The following TPCN2 variants were observed in gnomAD, a reference collection of about 807,000 sequenced individuals.
TPCN2 encodes two pore channel protein 2.
In TPCN2, 92 loss-of-function variants were observed where a neutral mutation model predicts 111.4. The ratio of observed to expected loss-of-function variants is 0.83; its 90% CI spans 0.70 to 0.98. The LOEUF is 0.98. TPCN2 is among the 50% of genes least tolerant of loss of function. The pLI is 0.00. For synonymous variants in TPCN2, 405 were observed against 414.5 expected (o/e 0.98, Z 0.28); for missense variants, 995 against 980.1 (o/e 1.02, Z -0.20).
chr11:69,072,799 C>G (rs1855593036), intron 12 of TPCN2, 91 bp downstream of exon 12: 7 of 1,552,684 alleles, frequency 4.5e-6, no homozygotes, highest in Non-Finnish European at 6.2e-6. Context: ...GGTGTGGCTT[C>G]AGGTCACCTG....
At chr11:69,058,772 G>A (rs779982071) in intron 5 of TPCN2, among the ~76,000 whole-genome samples, 13 of 152,234 alleles carry the variant, frequency 8.5e-5, no homozygotes, top group Admixed American at 6.5e-4. Context: ...GCAGCTTCCC[G>A]CAGCCTCCTC....
chr11:69,073,176 G>A (rs150277534), intron 13 of TPCN2, among the ~76,000 whole-genome samples, 175 bp downstream of exon 13: 1 of 152,194 alleles, frequency 6.6e-6, no homozygotes, highest in African/African-American at 2.4e-5. Flanking sequence ...AGACTGGGGA[G>A]ATTTTTATGA....
At chr11:69,077,075 CCCT>C (rs1855808487) in intron 13 of TPCN2, among the ~76,000 whole-genome samples, 1 of 103,648 alleles carries the variant, frequency 9.6e-6, no homozygotes, top group Non-Finnish European at 2.0e-5. Context: ...CCTCCACTTG[CCCT>C]CCTGCCCTCC....
Position 69,089,880 on chromosome 11 carries a change from G to A in TPCN2, c.*1927G>A, listed in dbSNP as rs1265173794. On this transcript the variant is annotated 3_prime_UTR_variant, in exon 25 of 25. Coordinates refer to ENST00000294309, the MANE Select transcript of TPCN2 (RefSeq NM_139075.4). ...TTACTCTCAGGCTCAGGTCCTGCTTGTTTGGCCCGTGGGAGCCCCTTCTTC... is the reference window on the plus strand; with the variant it reads ...TTACTCTCAGGCTCAGGTCCTGCTTATTTGGCCCGTGGGAGCCCCTTCTTC... 9 of 151,854 alleles carry A rather than the reference G, an allele frequency of 5.9e-5. 1 individual carries two copies. In the East Asian group the frequency reaches 1.6e-3, roughly 26 times the overall value. The allele number at this position is 151,854 out of a possible 1,614,324, so 9.4% of individuals were successfully genotyped here.
At chr11:69,075,627 G>A (rs759608371) in intron 13 of TPCN2, among the ~76,000 whole-genome samples, 2 of 152,204 alleles carry the variant, frequency 1.3e-5, no homozygotes, top group Non-Finnish European at 2.9e-5. Flanking sequence ...CTGTGGTTTT[G>A]GAAGCACAAA....
At chr11:69,075,124 C>T (rs913954583) in intron 13 of TPCN2, among the ~76,000 whole-genome samples, 1 of 152,192 alleles carries the variant, frequency 6.6e-6, no homozygotes, top group Admixed American at 6.5e-5. Flanking sequence ...GAGGTCCCGG[C>T]GATGCTCTTC....
intron 16 of TPCN2, chr11:69,079,311 C>T (rs1423943087): frequency 2.2e-6 from 1 of 447,598 alleles, no homozygotes; most frequent in Non-Finnish European, 4.0e-6. Flanking sequence ...GCCAGCGACT[C>T]CAGCCCGGGG....
In TPCN2 at chr11:69,084,744, GC is replaced by G. The variant is rs1255657604; in HGVS notation, c.1762-464del. On this transcript the variant is annotated intron_variant, in intron 19 of 24. Coordinates refer to ENST00000294309, the MANE Select transcript of TPCN2 (RefSeq NM_139075.4). ...GTGCTCTGGGCTGGACCCCAGCTGTGCCTCGCGCCTCTGGAAATAGACGCTG... is the reference window on the plus strand; with the variant it reads ...GTGCTCTGGGCTGGACCCCAGCTGTGCTCGCGCCTCTGGAAATAGACGCTG... 7 of 985,318 alleles carry G rather than the reference GC, an allele frequency of 7.1e-6. No homozygotes were observed. In the African/African-American group the frequency reaches 1.2e-4, roughly 17 times the overall value. 61.0% of individuals were successfully genotyped at this position (985,318 alleles called of 1,614,324 possible).
Position 69,081,500 on chromosome 11 carries a change from G to T in TPCN2, c.1689+1G>T. ...CCTGCGTATCATCCCCAGCATGAAG[G>T]TGTGTGCCGGCCCCACCCCCACTCG... On this transcript the variant is annotated splice_donor_variant, in intron 18 of 24. Coordinates refer to ENST00000294309, the MANE Select transcript of TPCN2 (RefSeq NM_139075.4). LOFTEE classifies it high-confidence loss of function. 1 of 1,554,386 alleles carries T rather than the reference G, an allele frequency of 6.4e-7. No homozygotes were observed. Among genetic ancestry groups the T allele is most frequent in the Non-Finnish European group, 8.7e-7 (1 of 1,148,402 alleles).
intron 5 of TPCN2, among the ~76,000 whole-genome samples, chr11:69,059,081 G>A (rs956815650): frequency 1.1e-4 from 17 of 152,174 alleles, no homozygotes; most frequent in Non-Finnish European, 2.4e-4. Flanking sequence ...CTTCGCCTCC[G>A]CCAGCTCCCC....
chr11:69,087,137 G>A lies in TPCN2; in HGVS notation c.2111G>A (p.Arg704His), dbSNP rs773649037. The A allele has an allele frequency of 1.1e-5, 18 of 1,613,728 alleles. No homozygotes were observed. Among genetic ancestry groups the A allele is most frequent in the African/African-American group, 1.3e-5 (1 of 74,882 alleles). Residue 704 changes from arginine to histidine, a missense_variant, in exon 24 of 25, where the codon CGC becomes CAC. Transcript: ENST00000294309. ...AACTTCCTTCACAAGTGGGACCCCC[G>A]CAGCCACCTGCAGCCCCTTGCTGGG... ...LENFLHKWDP[R>H]SHLQPLAGTP...
intron 13 of TPCN2, 87 bp from the exon 14 acceptor site, chr11:69,078,395 C>A (rs146784022): frequency 1.3e-6 from 2 of 1,545,316 alleles, no homozygotes; most frequent in African/African-American, 1.4e-5. Flanking sequence ...AAAATCAAAT[C>A]CCAGAATAAG....
Position 69,055,217 on chromosome 11 carries a change from T to G in TPCN2, c.294T>G (p.Phe98Leu). ...TCTTCTTGATCCTGTTTTTGGCTTT[T>G]ATCGAGACCCCATCCTCACTCACCA... Reference protein sequence around the residue: ...FTIFLILFLAFIETPSSLTST... With the variant: ...FTIFLILFLALIETPSSLTST... Residue 98 changes from phenylalanine (F) to leucine (L), a missense_variant, in exon 4 of 25, where the codon TTT becomes TTG. Coordinates refer to ENST00000294309, the MANE Select transcript of TPCN2 (RefSeq NM_139075.4). The G allele has an allele frequency of 6.2e-7, 1 of 1,614,228 alleles. No homozygotes were observed. Among genetic ancestry groups the G allele is most frequent in the Non-Finnish European group, 8.5e-7 (1 of 1,180,030 alleles).
At chr11:69,060,630 CT>C (rs1212113571) in intron 5 of TPCN2, among the ~76,000 whole-genome samples, 1 of 152,150 alleles carries the variant, frequency 6.6e-6, no homozygotes, top group Non-Finnish European at 1.5e-5. Context: ...CCTTCCCGTC[CT>C]TATAGAGGCC....
intron 18 of TPCN2, among the ~76,000 whole-genome samples, chr11:69,082,190 G>C (rs1030018337): frequency 2.0e-5 from 3 of 152,178 alleles, no homozygotes; most frequent in Non-Finnish European, 2.9e-5. Flanking sequence ...GCTGTGCTGG[G>C]ACCTTCATAC....
intron 18 of TPCN2, 106 bp downstream of exon 18, chr11:69,081,605 G>A (rs3829240): frequency 0.43 from 323,452 of 750,170 alleles, 74,648 homozygotes; most frequent in Non-Finnish European, 0.5. Context: ...GACTGTGCCC[G>A]TCACCCTGGG....
At position 69,072,609 on chromosome 11, in the gene TPCN2, G is replaced by C. The variant is rs1054489170; in HGVS notation, c.1062-18G>C. The C allele has an allele frequency of 5.0e-6, 8 of 1,613,556 alleles. No individual in the cohort carries two copies. In the African/African-American group the frequency reaches 8.0e-5, roughly 16 times the overall value. On this transcript the variant is annotated intron_variant, in intron 11 of 24. Transcript: ENST00000294309. ...CCGAGCTGGCTGTGCTCACCGGGCT[G>C]TGGGTTTTTCCCTGCAGAGTTGGGG...
intron 5 of TPCN2, 39 bp downstream of exon 5, chr11:69,057,733 T>TG: frequency 6.3e-7 from 1 of 1,595,076 alleles, no homozygotes; most frequent in Non-Finnish European, 8.6e-7. Flanking sequence ...TGGAGAGATC[T>TG]GGGGCTGGTG....
intron 7 of TPCN2, among the ~76,000 whole-genome samples, chr11:69,065,768 T>A (rs1361060378): frequency 6.6e-6 from 1 of 152,182 alleles, no homozygotes; most frequent in Non-Finnish European, 1.5e-5. Flanking sequence ...GGGTTGGTGT[T>A]GGGGTGTGTG....
Sources: allele counts gnomAD v4.1 joint callset (sites outside exome capture counted in the v4.1 genomes callset), GRCh38; gene constraint gnomAD v4.1.1; transcripts MANE v1.5; gene names NCBI Gene and HGNC (gene_info 2026-07-23, HGNC 2026-07-21).